The following DNAJC5 variants were observed in gnomAD, a reference collection of about 807,000 sequenced individuals.
DNAJC5 encodes DnaJ heat shock protein family (Hsp40) member C5.
Under a neutral mutation model 23.2 loss-of-function variants are expected in DNAJC5, and 1 was observed. That is an observed-to-expected ratio of 0.04 (90% CI 0.02 to 0.20). The LOEUF is 0.20. DNAJC5 is among the 10% of genes least tolerant of loss of function. DNAJC5 has a pLI of 1.00. For missense variants in DNAJC5, 180 were observed against 267.0 expected (o/e 0.67, Z 2.27); for synonymous variants, 136 against 120.0 (o/e 1.13, Z -0.87).
intron 1 of DNAJC5, among the ~76,000 whole-genome samples, chr20:63,925,312 C>T (rs1443493424): frequency 6.6e-6 from 1 of 152,054 alleles, no homozygotes; most frequent in Non-Finnish European, 1.5e-5. Context: ...GGTGAAACCC[C>T]ATCTCTACTA....
chr20:63,914,226 G>T (rs1420935675), intron 1 of DNAJC5, among the ~76,000 whole-genome samples: 1 of 152,108 alleles, frequency 6.6e-6, no homozygotes, highest in Admixed American at 6.5e-5. Context: ...TGTAATTGTT[G>T]TTAAAACCCT....
rs989397267 is a variant in DNAJC5, at chr20:63,931,777, CTG to C, written c.*211_*212del. 8 of 616,176 alleles carry C rather than the reference CTG, an allele frequency of 1.3e-5. No homozygotes were observed. In the African/African-American group the frequency reaches 1.5e-4, roughly 11 times the overall value. 38.2% of individuals were successfully genotyped at this position (616,176 alleles called of 1,614,324 possible). On this transcript the variant is annotated 3_prime_UTR_variant, in exon 5 of 5. Coordinates refer to ENST00000360864, the MANE Select transcript of DNAJC5 (RefSeq NM_025219.3). The surrounding 1 kb of genome is among the most constrained non-coding windows in gnomAD (Gnocchi z 9.6). ...TTTAAAGCAGTGTAGCTACGGTCTT[CTG>C]TTTTTTTCCCTTTTTTAATAGCATG... is the stretch of plus-strand genomic sequence containing the variant.
At position 63,908,112 on chromosome 20, in the gene DNAJC5, T is replaced by C. The variant is rs1455783905; in HGVS notation, c.-12+12789T>C. 2.0e-5 allele frequency among the ~76,000 whole-genome samples: 3 copies of C among 152,204 alleles called. No individual in the cohort carries two copies. In the East Asian group the frequency reaches 5.8e-4, roughly 29 times the overall value. ...GGTTGGCTTGTTAGGGTTAAATTGG[T>C]GCACCTTATACTTGGTTGCATACTA... On this transcript the variant is annotated intron_variant, in intron 1 of 4. Coordinates refer to ENST00000360864, the MANE Select transcript of DNAJC5 (RefSeq NM_025219.3).
Position 63,931,056 on chromosome 20 carries a change from T to TGG in DNAJC5, c.493+37_493+38dup, listed in dbSNP as rs1568990431. 3.1e-6 allele frequency: 5 copies of TGG among 1,596,380 alleles called. No homozygotes were observed. In the East Asian group the frequency reaches 1.1e-4, roughly 36 times the overall value. On this transcript the variant is annotated intron_variant, in intron 4 of 4. Coordinates refer to ENST00000360864, the MANE Select transcript of DNAJC5 (RefSeq NM_025219.3). The surrounding 1 kb of genome is among the most constrained non-coding windows in gnomAD (Gnocchi z 9.6). ...CCGCCCCAGGGCCCGTGTGTGTGTG[T>TGG]GGGGCAGAGCCAGAATGGGCCCTGA...
chr20:63,903,759 G>A (rs2053429451), intron 1 of DNAJC5, among the ~76,000 whole-genome samples: 1 of 152,074 alleles, frequency 6.6e-6, no homozygotes, highest in Admixed American at 6.6e-5. Flanking sequence ...AGACTAGCCT[G>A]GCCAACATGG....
chr20:63,908,531 C>G (rs561887400), intron 1 of DNAJC5, among the ~76,000 whole-genome samples: 1 of 152,188 alleles, frequency 6.6e-6, no homozygotes. Context: ...ACGGAATGAA[C>G]AGGGCAAAGG....
At chr20:63,922,975 TACTAAAAATAC>T (rs1185460837) in intron 1 of DNAJC5, among the ~76,000 whole-genome samples, 5 of 151,068 alleles carry the variant, frequency 3.3e-5, no homozygotes, top group Admixed American at 2.0e-4. Flanking sequence ...ACCCAATCTC[TACTAAAAATAC>T]AAAAATTAGC....
chr20:63,925,974 C>T (rs547521358), intron 1 of DNAJC5, among the ~76,000 whole-genome samples: 1 of 151,962 alleles, frequency 6.6e-6, no homozygotes, highest in African/African-American at 2.4e-5. Flanking sequence ...ACTACAGGTG[C>T]CTGCCACCAC....
At chr20:63,900,845 A>T (rs887858391) in intron 1 of DNAJC5, among the ~76,000 whole-genome samples, 1 of 152,218 alleles carries the variant, frequency 6.6e-6, no homozygotes, top group Non-Finnish European at 1.5e-5. Context: ...CTTATTTTTC[A>T]TGGGTTTATA....
intron 1 of DNAJC5, among the ~76,000 whole-genome samples, chr20:63,905,025 G>A (rs1316775173): frequency 1.3e-5 from 2 of 150,754 alleles, no homozygotes; most frequent in Non-Finnish European, 2.9e-5. Flanking sequence ...GGCTGGTCTC[G>A]AACTCCTGAC....
chr20:63,896,286 T>C (rs1022030563), intron 1 of DNAJC5, among the ~76,000 whole-genome samples: 1 of 152,346 alleles, frequency 6.6e-6, no homozygotes, highest in East Asian at 1.9e-4. Flanking sequence ...GTTTCAGGAA[T>C]GAGTAGTCTG....
At chr20:63,917,624 C>T (rs112460519) in intron 1 of DNAJC5, among the ~76,000 whole-genome samples, 8 of 151,888 alleles carry the variant, frequency 5.3e-5, no homozygotes, top group South Asian at 2.1e-4. Context: ...GGCGCGATCT[C>T]GGCTCACTGC....
intron 1 of DNAJC5, among the ~76,000 whole-genome samples, chr20:63,927,620 GTGT>G (rs2053627624): frequency 6.6e-6 from 1 of 152,160 alleles, no homozygotes; most frequent in African/African-American, 2.4e-5. Context: ...GTGGTTGATA[GTGT>G]TGTTCAGAAC....
intron 1 of DNAJC5, among the ~76,000 whole-genome samples, chr20:63,926,669 G>A (rs924144161): frequency 3.9e-5 from 6 of 152,200 alleles, no homozygotes; most frequent in East Asian, 3.9e-4. Context: ...ACGTGGCCCC[G>A]CTCAGGCTGG....
chr20:63,905,145 C>T (rs573087887), intron 1 of DNAJC5, among the ~76,000 whole-genome samples: 56 of 148,904 alleles, frequency 3.8e-4, no homozygotes, highest in South Asian at 2.1e-3. Flanking sequence ...GATGGGGTCT[C>T]GCTCTTGTCG....
At position 63,929,628 on chromosome 20, in the gene DNAJC5, G is replaced by A. The variant is rs557501238; in HGVS notation, c.321+103G>A. The A allele has an allele frequency of 2.7e-5, 30 of 1,127,558 alleles. No individual in the cohort carries two copies. In the East Asian group the frequency reaches 5.6e-4, roughly 21 times the overall value. 69.8% of individuals were successfully genotyped at this position (1,127,558 alleles called of 1,614,324 possible). A position where few individuals can be genotyped will look rare whatever the true frequency, so the allele number is the denominator to read the frequency against. ...GGCACCCGAGTCACTCCTGCCGTGC[G>A]GGCACCCGAGTCTCTCCTGCCGTGC... On this transcript the variant is annotated intron_variant, in intron 3 of 4. Coordinates refer to ENST00000360864, the MANE Select transcript of DNAJC5 (RefSeq NM_025219.3). The surrounding 1 kb of genome is among the most constrained non-coding windows in gnomAD (Gnocchi z 8.6).
In DNAJC5 at chr20:63,932,480, CT is replaced by C; in HGVS notation, c.*917del. On this transcript the variant is annotated 3_prime_UTR_variant, in exon 5 of 5. Coordinates refer to ENST00000360864, the MANE Select transcript of DNAJC5 (RefSeq NM_025219.3). The surrounding 1 kb of genome is among the most constrained non-coding windows in gnomAD (Gnocchi z 4.4). ...CAGCACACCTGTCCTTTCCATAGCC[CT>C]TTTTGGACCTTTAGAACCACAGATG... is the stretch of plus-strand genomic sequence containing the variant. 6.5e-6 allele frequency: 1 copy of C among 152,828 alleles called. No homozygotes were observed. Among genetic ancestry groups the C allele is most frequent in the Non-Finnish European group, 1.5e-5 (1 of 68,126 alleles). 9.5% of individuals were successfully genotyped at this position (152,828 alleles called of 1,614,324 possible).
In DNAJC5 at chr20:63,903,551, C is replaced by T. The variant is rs146138632; in HGVS notation, c.-12+8228C>T. Among the ~76,000 whole-genome samples, 696 of 152,268 alleles carry T rather than the reference C, an allele frequency of 4.6e-3. 3 individuals are homozygous for T. The highest frequency in any genetic ancestry group is 0.016 in the African/African-American group (663 of 41,568). On this transcript the variant is annotated intron_variant, in intron 1 of 4. Coordinates refer to ENST00000360864, the MANE Select transcript of DNAJC5 (RefSeq NM_025219.3). ...CTCGATCTCTTGACCTCATGGTCTG[C>T]GCACCTTGGCCTCCCAAAGTGCTGG... is the stretch of plus-strand genomic sequence containing the variant.
chr20:63,907,286 T>C (rs548808738), intron 1 of DNAJC5, among the ~76,000 whole-genome samples: 7 of 152,286 alleles, frequency 4.6e-5, no homozygotes, highest in African/African-American at 1.7e-4. Context: ...GCCCTGCTGA[T>C]CCTTAGCACG....
Sources: gnomAD v4.1 joint callset for allele counts (sites outside exome capture counted in the v4.1 genomes callset) on GRCh38, gnomAD v4.1.1 for gene constraint, Gnocchi (gnomAD v3.1) non-coding constraint, MANE v1.5 for transcripts, NCBI Gene and HGNC (gene_info 2026-07-23, HGNC 2026-07-21) for gene names.